Variants in POGLUT1 observed in about 807,000 individuals in gnomAD.
POGLUT1 encodes the protein protein O-glucosyltransferase 1, also known as 9630046K23Rik.
A neutral mutation model predicts 61.3 loss-of-function variants in POGLUT1; 32 were observed. The observed-to-expected ratio is 0.52, with a 90% confidence interval of 0.39 to 0.70. POGLUT1 has a LOEUF of 0.70. Ranked by LOEUF, POGLUT1 falls within the 30% of genes least tolerant of loss-of-function variation. The pLI, the probability that POGLUT1 is intolerant of heterozygous loss-of-function variation, is 0.00. For missense variants in POGLUT1, 411 were observed against 469.8 expected (o/e 0.87, Z 1.16); for synonymous variants, 158 against 158.2 (o/e 1.00, Z 0.01).
At chr3:119,483,515 G>C (rs1030717987) in intron 5 of POGLUT1, among the ~76,000 whole-genome samples, 1 of 152,186 alleles carries the variant, frequency 6.6e-6, no homozygotes, top group Non-Finnish European at 1.5e-5. Context: ...TCTTAAGATT[G>C]TGAGAATGAT....
Position 119,486,898 on chromosome 3 carries a change from A to C in POGLUT1, c.704A>C (p.Glu235Ala). 1 of 1,613,384 alleles carries C rather than the reference A, an allele frequency of 6.2e-7. No homozygotes were observed. Among genetic ancestry groups the C allele is most frequent in the South Asian group, 1.1e-5 (1 of 91,066 alleles). Residue 235 changes from glutamate to alanine, a missense_variant, in exon 7 of 11, where the codon GAA (glutamate) becomes GCA (alanine). By Grantham distance (107) the Glu-to-Ala change is moderately radical. Coordinates refer to ENST00000295588, the MANE Select transcript of POGLUT1 (RefSeq NM_152305.3). ...SRKNPKLVDAEYTKNQAWKSM... is the reference protein window; with the variant it reads ...SRKNPKLVDAAYTKNQAWKSM... The stretch of plus-strand genomic sequence containing the variant: ...AAAAACCCAAAACTTGTTGATGCAG[A>C]ATACACCAAAAACCAGGCCTGGAAA...
chr3:119,479,328 A>G (rs115515310), intron 4 of POGLUT1, among the ~76,000 whole-genome samples: 1,992 of 152,310 alleles, frequency 0.013, 40 homozygotes, highest in South Asian at 0.071. Flanking sequence ...TTATTGACCA[A>G]TCAATGTGAG....
intron 5 of POGLUT1, among the ~76,000 whole-genome samples, chr3:119,482,528 G>C (rs561740303): frequency 1.5e-4 from 23 of 152,282 alleles, no homozygotes; most frequent in African/African-American, 5.5e-4. Context: ...AAACTAGTAA[G>C]CAATTTTTAG....
chr3:119,476,188 A>G (rs2081535835), intron 3 of POGLUT1, among the ~76,000 whole-genome samples: 1 of 152,126 alleles, frequency 6.6e-6, no homozygotes, highest in Non-Finnish European at 1.5e-5. Context: ...AAAAAAGAGA[A>G]ATCTTGGTAA....
At chr3:119,485,201 T>C (rs1032808559) in intron 5 of POGLUT1, 127 bp from the exon 6 acceptor site, 1 of 589,810 alleles carries the variant, frequency 1.7e-6, no homozygotes, top group Non-Finnish European at 2.9e-6. Context: ...TGGACGACAG[T>C]GCGAGACTCC....
chr3:119,477,652 G>T (rs1203914894), intron 4 of POGLUT1, among the ~76,000 whole-genome samples: 1 of 152,238 alleles, frequency 6.6e-6, no homozygotes, highest in Non-Finnish European at 1.5e-5. Context: ...AGTAGTGTAA[G>T]ATTGCTTGAG....
At chr3:119,477,506 T>C (rs1370013467) in intron 4 of POGLUT1, 58 bp downstream of exon 4, 7 of 1,525,574 alleles carry the variant, frequency 4.6e-6, no homozygotes, top group Non-Finnish European at 6.3e-6. Flanking sequence ...GATATGAGCA[T>C]GAGATCTTTG....
intron 4 of POGLUT1, among the ~76,000 whole-genome samples, chr3:119,479,358 G>A (rs1401049579): frequency 1.3e-5 from 2 of 152,170 alleles, no homozygotes; most frequent in Non-Finnish European, 2.9e-5. Context: ...GCCATAGTAT[G>A]AGATAACACT....
At chr3:119,484,112 G>T (rs558184239) in intron 5 of POGLUT1, among the ~76,000 whole-genome samples, 4 of 152,238 alleles carry the variant, frequency 2.6e-5, no homozygotes, top group Admixed American at 2.0e-4. Context: ...GATAGTTCTG[G>T]CCTTAGACTG....
chr3:119,486,872 G>T lies in POGLUT1; in HGVS notation c.678G>T (p.Arg226=). 1 of 1,613,906 alleles carries T rather than the reference G, an allele frequency of 6.2e-7. No homozygotes were observed. Among genetic ancestry groups the T allele is most frequent in the Non-Finnish European group, 8.5e-7 (1 of 1,179,826 alleles). Residue 226 remains arginine (R), a synonymous_variant, in exon 7 of 11, where the codon CGG becomes CGT. Coordinates refer to ENST00000295588, the MANE Select transcript of POGLUT1 (RefSeq NM_152305.3). ...GAGATCCTCTCATTCTTCTGTCTCG[G>T]AAAAACCCAAAACTTGTTGATGCAG... is the stretch of plus-strand genomic sequence containing the variant. ...PERDPLILLS[R]KNPKLVDAEY...
chr3:119,492,081 TAAAG>T (rs1257724184), intron 10 of POGLUT1, among the ~76,000 whole-genome samples, 197 bp from the exon 11 acceptor site: 3 of 151,802 alleles, frequency 2.0e-5, no homozygotes, highest in Non-Finnish European at 4.4e-5. Flanking sequence ...AATAAATAAA[TAAAG>T]GAAAAAGATT....
chr3:119,471,720 C>T (rs891520057), intron 3 of POGLUT1: 33 of 415,536 alleles, frequency 7.9e-5, no homozygotes, highest in Non-Finnish European at 1.3e-4. Flanking sequence ...GATATAGTAG[C>T]GGCAGGACAC....
intron 1 of POGLUT1, 56 bp from the exon 2 acceptor site, chr3:119,469,764 C>A: frequency 1.2e-6 from 1 of 864,886 alleles, no homozygotes; most frequent in South Asian, 1.4e-5. Flanking sequence ...GGTGTGGTGT[C>A]AGCAAATAAC....
At chr3:119,472,386 TAAC>T (rs1225810714) in intron 3 of POGLUT1, among the ~76,000 whole-genome samples, 1 of 152,196 alleles carries the variant, frequency 6.6e-6, no homozygotes, top group East Asian at 1.9e-4. Context: ...TTGTATTTAA[TAAC>T]AACTTTGTAA....
chr3:119,475,981 C>G (rs886956222), intron 3 of POGLUT1, among the ~76,000 whole-genome samples: 2 of 126,166 alleles, frequency 1.6e-5, no homozygotes, highest in African/African-American at 6.6e-5. Context: ...CACACACACA[C>G]ACACACACAC....
chr3:119,481,958 G>A (rs1323631714), intron 5 of POGLUT1, among the ~76,000 whole-genome samples: 1 of 152,138 alleles, frequency 6.6e-6, no homozygotes, highest in Non-Finnish European at 1.5e-5. Flanking sequence ...TGTAGAGACA[G>A]GTCTTGCTAT....
At chr3:119,471,878 G>A (rs2081477991) in intron 3 of POGLUT1, 1 of 209,502 alleles carries the variant, frequency 4.8e-6, no homozygotes, top group Non-Finnish European at 9.5e-6. Context: ...AACTAGATGG[G>A]GTGGTGGTGG....
rs1445805736 is a variant in POGLUT1, at chr3:119,469,069, C to G, written c.48C>G (p.Phe16Leu). The G allele has an allele frequency of 1.2e-6, 2 of 1,609,256 alleles. No individual in the cohort carries two copies. The highest frequency in any genetic ancestry group is 1.7e-5 in the Admixed American group (1 of 59,856). The change falls in exon 1 of 11, where the codon TTC becomes TTG. Residue 16 changes from phenylalanine (F) to leucine (L), a missense_variant. By Grantham distance (22) the Phe-to-Leu change is conservative. Transcript: ENST00000295588. ...CGCTTCGGCTCTGGCTGCTGTTGTT[C>G]CTCCTGCCCTCAGCGCAGGGCCGCC... ...SSPLRLWLLL[F>L]LLPSAQGRQK...
At position 119,468,967 on chromosome 3, in the gene POGLUT1, G is replaced by T. The variant is rs770993425; in HGVS notation, c.-55G>T. 4.0e-6 allele frequency: 6 copies of T among 1,489,516 alleles called. No individual in the cohort carries two copies. Among genetic ancestry groups the T allele is most frequent in the South Asian group, 1.2e-5 (1 of 84,676 alleles). The allele number at this position is 1,489,516 out of a possible 1,614,324, so 92.3% of individuals were successfully genotyped here. On this transcript the variant is annotated 5_prime_UTR_variant, in exon 1 of 11. Coordinates refer to ENST00000295588, the MANE Select transcript of POGLUT1 (RefSeq NM_152305.3). ...TGCGGCTCCCGGGCCATCTTTGTGCGGGGCCGCGCTTCCGCCAGCGCCGCA... is the reference window on the plus strand; with the variant it reads ...TGCGGCTCCCGGGCCATCTTTGTGCTGGGCCGCGCTTCCGCCAGCGCCGCA...
Sources: gnomAD v4.1 joint callset for allele counts (sites outside exome capture counted in the v4.1 genomes callset) on GRCh38, gnomAD v4.1.1 for gene constraint, MANE v1.5 for transcripts, NCBI Gene and HGNC (gene_info 2026-07-23, HGNC 2026-07-21) for gene names.